Variants in RRM2 observed in about 807,000 individuals in gnomAD.
RRM2 encodes the protein ribonucleotide reductase regulatory subunit M2.
Under a neutral mutation model 45.9 loss-of-function variants are expected in RRM2, and 6 were observed. That is an observed-to-expected ratio of 0.13 (90% confidence interval 0.07 to 0.26). The LOEUF (loss-of-function observed/expected upper bound fraction) is 0.26, where lower values mean the gene tolerates loss of function less well. Ranked by LOEUF, RRM2 falls within the 10% of genes least tolerant of loss-of-function variation. The pLI, the probability that RRM2 is intolerant of heterozygous loss-of-function variation, is 1.00. For synonymous variants in RRM2, 177 were observed against 173.0 expected (o/e 1.02, Z -0.18); for missense variants, 343 against 489.5 (o/e 0.70, Z 2.82).
At chr2:10,191,038 T>G (rs1664293693) in intron 3 of RRM2, among the ~76,000 whole-genome samples, 1 of 152,224 alleles carries the variant, frequency 6.6e-6, no homozygotes, top group African/African-American at 2.4e-5. Context: ...AACAAACCAC[T>G]GGGCTTCTCT....
At chr2:10,162,017 A>T (rs1391563341) in intron 3 of RRM2, among the ~76,000 whole-genome samples, 3 of 152,224 alleles carry the variant, frequency 2.0e-5, no homozygotes, top group African/African-American at 7.2e-5. Flanking sequence ...CGGGAAACCG[A>T]GGCTTGCGCC....
chr2:10,171,014 G>T lies in RRM2; in HGVS notation n.482+28639G>T, dbSNP rs1663793582. 6.6e-6 allele frequency among the ~76,000 whole-genome samples: 1 copy of T among 152,248 alleles called. No homozygotes were observed. The highest frequency in any genetic ancestry group is 6.5e-5 in the Admixed American group (1 of 15,288). ...AGCTCCTTTGAGATGCGGGGCTCAG[G>T]CCTCATCAGGGGAAACGTGGGCATC... is the stretch of plus-strand genomic sequence containing the variant. On this transcript the variant is annotated intron_variant and non_coding_transcript_variant, in intron 3 of 3. Transcript: ENST00000381786. The surrounding 1 kb of genome is among the most constrained non-coding windows in gnomAD (Gnocchi z 4.1).
intron 3 of RRM2, among the ~76,000 whole-genome samples, chr2:10,174,277 G>A (rs1189913925): frequency 2.0e-5 from 3 of 149,554 alleles, no homozygotes; most frequent in African/African-American, 7.3e-5. Context: ...TCCTGTCTGC[G>A]GCCTGAGCTA....
At chr2:10,160,376 G>A (rs1423503007) in intron 3 of RRM2, among the ~76,000 whole-genome samples, 1 of 152,230 alleles carries the variant, frequency 6.6e-6, no homozygotes, top group African/African-American at 2.4e-5. Flanking sequence ...CCTGCACGGA[G>A]TGGTGCTGAG....
chr2:10,178,004 C>A (rs1663966888), intron 3 of RRM2, among the ~76,000 whole-genome samples: 1 of 151,588 alleles, frequency 6.6e-6, no homozygotes, highest in African/African-American at 2.4e-5. Flanking sequence ...TCACTGCAAG[C>A]TCCGCCTCCC....
Position 10,127,352 on chromosome 2 carries a change from C to A in RRM2, c.798+132C>A. ...TTTAATGTGTGAGTTCAACCATACA[C>A]ATACTTGACAAAAGAAGGAAATACT... On this transcript the variant is annotated intron_variant, in intron 7 of 9. Transcript: ENST00000304567. This position sits in a 1 kb window ranked among gnomAD's most constrained non-coding sequence, Gnocchi z 4.1. 1 of 830,086 alleles carries A rather than the reference C, an allele frequency of 1.2e-6. No homozygotes were observed. The highest frequency in any genetic ancestry group is 1.8e-5 in the South Asian group (1 of 55,510). The allele number at this position is 830,086 out of a possible 1,614,324, so 51.4% of individuals were successfully genotyped here.
chr2:10,129,545 G>A lies in RRM2; in HGVS notation c.*159G>A. 1 of 757,642 alleles carries A rather than the reference G, an allele frequency of 1.3e-6. No homozygotes were observed. The allele number at this position is 757,642 out of a possible 1,614,324, so 46.9% of individuals were successfully genotyped here. Reference sequence around the variant, plus strand: ...AGCTACCTCACAACCAGTCCTGTCTGTTTATAGTGCTGGTAGTATCACCTT... The same window carrying A: ...AGCTACCTCACAACCAGTCCTGTCTATTTATAGTGCTGGTAGTATCACCTT... On this transcript the variant is annotated 3_prime_UTR_variant, in exon 10 of 10. Transcript: ENST00000304567. The surrounding 1 kb of genome is among the most constrained non-coding windows in gnomAD (Gnocchi z 4.8).
At chr2:10,137,203 T>G (rs1054787073), upstream of RRM2, among the ~76,000 whole-genome samples, 1 of 152,164 alleles carries the variant, frequency 6.6e-6, no homozygotes, top group Non-Finnish European at 1.5e-5. Context: ...GGAGGCCATG[T>G]GCCTCACAGA....
chr2:10,199,531 C>T (rs1186227622), intron 3 of RRM2, among the ~76,000 whole-genome samples: 1 of 151,828 alleles, frequency 6.6e-6, no homozygotes, highest in African/African-American at 2.4e-5. Context: ...CCTGTAATCC[C>T]AGCACTTTGG....
chr2:10,160,067 C>T (rs533523990), intron 3 of RRM2, among the ~76,000 whole-genome samples: 99 of 152,236 alleles, frequency 6.5e-4, no homozygotes, highest in Non-Finnish European at 1.2e-3. Context: ...TTCCTGTGTG[C>T]GCCTACATCC....
Position 10,122,777 on chromosome 2 carries a change from T to A in RRM2, c.-22T>A. On this transcript the variant is annotated 5_prime_UTR_variant, in exon 1 of 10. Coordinates refer to ENST00000304567, the MANE Select transcript of RRM2 (RefSeq NM_001034.4). ...CAGCCGTCCTGTCCTGGCTGCTCGC[T>A]CTGCTTCGCTGCGCCTCCACTATGC... is the stretch of plus-strand genomic sequence containing the variant. 1 of 1,570,168 alleles carries A rather than the reference T, an allele frequency of 6.4e-7. No individual in the cohort carries two copies. The highest frequency in any genetic ancestry group is 8.6e-7 in the Non-Finnish European group (1 of 1,158,448).
At position 10,129,176 on chromosome 2, in the gene RRM2, C is replaced by T. The variant is rs1662847323; in HGVS notation, c.1017+22C>T. On this transcript the variant is annotated intron_variant, in intron 9 of 9. Coordinates refer to ENST00000304567, the MANE Select transcript of RRM2 (RefSeq NM_001034.4). The surrounding 1 kb of genome is among the most constrained non-coding windows in gnomAD (Gnocchi z 4.8). ...CAAGGTAAAGTATTGTTTACATAGC[C>T]TTTTGCTTGTTTTGAAGCTGGTGCT... 3.7e-6 allele frequency: 6 copies of T among 1,613,706 alleles called. No homozygotes were observed. Among genetic ancestry groups the T allele is most frequent in the South Asian group, 2.2e-5 (2 of 91,070 alleles).
downstream of RRM2, among the ~76,000 whole-genome samples, chr2:10,133,968 C>T (rs1260601096): frequency 1.3e-5 from 2 of 151,916 alleles, no homozygotes; most frequent in South Asian, 2.1e-4. Context: ...CACCTGAGGT[C>T]AGGAGTTTGA....
chr2:10,161,311 G>A (rs575643972), intron 3 of RRM2, among the ~76,000 whole-genome samples: 64 of 152,252 alleles, frequency 4.2e-4, no homozygotes, highest in African/African-American at 1.4e-3. Flanking sequence ...CACTTGTCTC[G>A]ACCTCTCAAA....
chr2:10,203,470 G>T (rs1664601927), intron 3 of RRM2, among the ~76,000 whole-genome samples: 1 of 152,166 alleles, frequency 6.6e-6, no homozygotes, highest in Non-Finnish European at 1.5e-5. Flanking sequence ...GTGAGGGTTG[G>T]CCAGGCACAG....
At chr2:10,210,802 G>GATCC (rs1664748953) in exon 4 of RRM2, 1 of 376,686 alleles carries the variant, frequency 2.7e-6, no homozygotes, top group African/African-American at 2.1e-5. Flanking sequence ...TCAGGAGGTG[G>GATCC]AGCCTTTGGG....
At chr2:10,141,966 G>T (rs377253228) in intron 2 of RRM2, 2 of 1,572,268 alleles carry the variant, frequency 1.3e-6, no homozygotes, top group South Asian at 1.2e-5. Flanking sequence ...TAAGTCAGAC[G>T]GTGACAAGCT....
intron 3 of RRM2, among the ~76,000 whole-genome samples, chr2:10,208,542 G>C (rs1262920712): frequency 1.3e-5 from 2 of 152,178 alleles, no homozygotes; most frequent in African/African-American, 4.8e-5. Context: ...TGGGCAGAAG[G>C]ATTCTGTAAT....
At chr2:10,152,083 G>T (rs1663322031) in intron 3 of RRM2, among the ~76,000 whole-genome samples, 1 of 151,990 alleles carries the variant, frequency 6.6e-6, no homozygotes, top group African/African-American at 2.4e-5. Flanking sequence ...CGAGTAGCTG[G>T]GACTACAGGC....
Sources: gnomAD v4.1 joint callset for allele counts (sites outside exome capture counted in the v4.1 genomes callset) on GRCh38, gnomAD v4.1.1 for gene constraint, Gnocchi (gnomAD v3.1) non-coding constraint, MANE v1.5 for transcripts, NCBI Gene and HGNC (gene_info 2026-07-23, HGNC 2026-07-21) for gene names.